The following POFUT3 variants were observed in gnomAD, a reference collection of about 807,000 sequenced individuals.
POFUT3 encodes protein O-fucosyltransferase 3, also known as GDP-fucose protein O-fucosyltransferase 3.
chr8:33,358,933 G>C, the POFUT3 span, among the ~76,000 whole-genome samples: 5 of 152,220 alleles, frequency 3.3e-5, no homozygotes, highest in East Asian at 5.8e-4. Context: ...CCAGGAAGCA[G>C]TCCCACACCA....
the POFUT3 span, among the ~76,000 whole-genome samples, chr8:33,466,840 C>T: frequency 2.0e-5 from 3 of 152,166 alleles, no homozygotes; most frequent in Non-Finnish European, 2.9e-5. Flanking sequence ...CATAGTGGCT[C>T]ACACCTGTAA....
At chr8:33,368,167 A>C in the POFUT3 span, among the ~76,000 whole-genome samples, 1 of 152,326 alleles carries the variant, frequency 6.6e-6, no homozygotes, top group Non-Finnish European at 1.5e-5. Context: ...ATAGCAGAGA[A>C]GAAGCCTCAG....
chr8:33,332,220 A>T, the POFUT3 span, among the ~76,000 whole-genome samples: 1 of 148,774 alleles, frequency 6.7e-6, no homozygotes, highest in Middle Eastern at 3.5e-3. Flanking sequence ...GCGGTGGCTC[A>T]TGCCTGTAAT....
chr8:33,464,899 A>G, the POFUT3 span, among the ~76,000 whole-genome samples: 1 of 152,250 alleles, frequency 6.6e-6, no homozygotes, highest in Non-Finnish European at 1.5e-5. Flanking sequence ...GTCAGCTAGT[A>G]TATCAGAGAA....
At chr8:33,347,707 C>G in the POFUT3 span, among the ~76,000 whole-genome samples, 1 of 152,312 alleles carries the variant, frequency 6.6e-6, no homozygotes, top group African/African-American at 2.4e-5. Flanking sequence ...AAGGATACCA[C>G]CTGACCTTCA....
At chr8:33,389,495 C>T in the POFUT3 span, 1 of 1,614,224 alleles carries the variant, frequency 6.2e-7, no homozygotes, top group Non-Finnish European at 8.5e-7. Context: ...ATAGCTGTCC[C>T]TGTCTGATGG....
chr8:33,396,430 C>T, the POFUT3 span, among the ~76,000 whole-genome samples: 2 of 152,112 alleles, frequency 1.3e-5, no homozygotes, highest in African/African-American at 2.4e-5. Flanking sequence ...AACTTCCATC[C>T]GATCAACTGA....
At chr8:33,441,246 G>T in the POFUT3 span, among the ~76,000 whole-genome samples, 1 of 149,558 alleles carries the variant, frequency 6.7e-6, no homozygotes, top group African/African-American at 2.5e-5. Flanking sequence ...CAGGAGAATC[G>T]CTTGAACCCG....
chr8:33,334,128 T>C, the POFUT3 span, among the ~76,000 whole-genome samples: 1 of 152,286 alleles, frequency 6.6e-6, no homozygotes, highest in South Asian at 2.1e-4. Flanking sequence ...AGCTGTACAG[T>C]AACTGCCAAC....
chr8:33,370,463 G>A, the POFUT3 span, among the ~76,000 whole-genome samples: 3 of 152,208 alleles, frequency 2.0e-5, no homozygotes, highest in African/African-American at 7.2e-5. Flanking sequence ...CCTCAAAACA[G>A]TCCTGTGAGG....
At chr8:33,391,689 G>A in the POFUT3 span, among the ~76,000 whole-genome samples, 1 of 152,178 alleles carries the variant, frequency 6.6e-6, no homozygotes, top group Non-Finnish European at 1.5e-5. Context: ...AGAGAATCAA[G>A]GCCATTTGCC....
chr8:33,427,669 G>A, the POFUT3 span, among the ~76,000 whole-genome samples: 1 of 152,188 alleles, frequency 6.6e-6, no homozygotes, highest in African/African-American at 2.4e-5. Context: ...AGCTTGGAAA[G>A]CAGACGACAA....
chr8:33,417,470 G>C, the POFUT3 span, among the ~76,000 whole-genome samples: 6 of 152,274 alleles, frequency 3.9e-5, no homozygotes, highest in East Asian at 1.2e-3. Flanking sequence ...AAAAGGTTGG[G>C]CACTGCTGAA....
At chr8:33,412,542 T>A in the POFUT3 span, among the ~76,000 whole-genome samples, 1 of 152,296 alleles carries the variant, frequency 6.6e-6, no homozygotes, top group Middle Eastern at 3.4e-3. Flanking sequence ...ATGAAGCCTG[T>A]CCAGCTAACT....
chr8:33,376,959 G>A, the POFUT3 span, among the ~76,000 whole-genome samples: 11 of 152,248 alleles, frequency 7.2e-5, no homozygotes, highest in East Asian at 5.8e-4. Context: ...TATAAAGGCC[G>A]GGCACATTGG....
the POFUT3 span, among the ~76,000 whole-genome samples, chr8:33,332,424 G>A: frequency 6.6e-6 from 1 of 151,294 alleles, no homozygotes; most frequent in African/African-American, 2.4e-5. Flanking sequence ...CTGAAAGGTT[G>A]CAGTGAGTCA....
chr8:33,308,215 T>C, the POFUT3 span, among the ~76,000 whole-genome samples: 1 of 152,160 alleles, frequency 6.6e-6, no homozygotes, highest in Non-Finnish European at 1.5e-5. Context: ...TAAAGATGTA[T>C]ACTATAAACC....
chr8:33,324,263 T>G, the POFUT3 span, among the ~76,000 whole-genome samples: 2 of 152,182 alleles, frequency 1.3e-5, no homozygotes, highest in African/African-American at 4.8e-5. Context: ...GTCACCTAAC[T>G]GGGTGCCCAG....
the POFUT3 span, among the ~76,000 whole-genome samples, chr8:33,347,897 G>A: frequency 3.3e-5 from 5 of 152,120 alleles, no homozygotes; most frequent in Admixed American, 2.0e-4. Context: ...CAATGTAGTG[G>A]CCAGGTGTGG....
Sources: allele counts gnomAD v4.1 joint callset (sites outside exome capture counted in the v4.1 genomes callset), GRCh38; gene constraint gnomAD v4.1.1; transcripts MANE v1.5; gene names NCBI Gene and HGNC (gene_info 2026-07-23, HGNC 2026-07-21).